The following RNF128 variants were observed in gnomAD, a reference collection of about 807,000 sequenced individuals.
RNF128 encodes E3 ubiquitin-protein ligase RNF128.
A neutral mutation model predicts 26.2 loss-of-function variants in RNF128; 13 were observed. That is an observed-to-expected ratio of 0.50 (90% CI 0.32 to 0.79). The LOEUF is 0.79. RNF128 is among the 30% of genes least tolerant of loss of function. The pLI, the probability that RNF128 is intolerant of heterozygous loss-of-function variation, is 0.03. For synonymous variants in RNF128, 149 were observed against 142.5 expected (o/e 1.05, Z -0.32); for missense variants, 315 against 349.7 (o/e 0.90, Z 0.79).
Position 106,727,287 on chromosome X carries a change from G to T in RNF128, c.374G>T (p.Gly125Val), listed in dbSNP as rs1027258409. ...TTGGCCCTCATCCAACGCGGCGGGG[G>T]CTGCACCTTCGCAGACAAGATCCAT... Reference protein sequence around the residue: ...SWLALIQRGGGCTFADKIHLA... With the variant: ...SWLALIQRGGVCTFADKIHLA... Residue 125 changes from glycine (G) to valine (V), a missense_variant, in exon 1 of 7, where the codon GGC (glycine) becomes GTC (valine). Gly to Val is a moderately radical substitution (Grantham distance 109). Transcript: ENST00000255499. The T allele has an allele frequency of 5.8e-6, 7 of 1,211,823 alleles. No homozygotes were observed. The highest frequency in any genetic ancestry group is 7.8e-6 in the Non-Finnish European group (7 of 895,481).
At chrX:106,773,427 T>G (rs914550109) in intron 2 of RNF128, among the ~76,000 whole-genome samples, 39 of 112,050 alleles carry the variant, frequency 3.5e-4, no homozygotes, top group African/African-American at 1.2e-3. Flanking sequence ...TGTAAATACA[T>G]ATGTTCTTTT....
chrX:106,713,740 A>G (rs1929167778), intron 1 of RNF128, among the ~76,000 whole-genome samples: 1 of 111,815 alleles, frequency 8.9e-6, no homozygotes, highest in South Asian at 3.8e-4. Flanking sequence ...GTATATGAAC[A>G]TGAACATGGG....
chrX:106,739,102 ATTCTC>A (rs1330679056), intron 1 of RNF128, among the ~76,000 whole-genome samples: 3 of 109,709 alleles, frequency 2.7e-5, no homozygotes, highest in East Asian at 5.7e-4. Flanking sequence ...TCTCTCTTCT[ATTCTC>A]TTCTCTTCTC....
chrX:106,704,271 TA>T lies in RNF128; in HGVS notation c.406+9869del, dbSNP rs776712889. On this transcript the variant is annotated intron_variant, in intron 1 of 6. Coordinates refer to the RNF128 transcript ENST00000324342. ...TAATACGGTGAAACCCCGTCTCTAC[TA>T]AAAAATACAAAAAAGCCAGGCGTGG... Among the ~76,000 whole-genome samples, 360 of 108,786 alleles carry T rather than the reference TA, an allele frequency of 3.3e-3. 1 individual carries two copies. Among genetic ancestry groups the T allele is most frequent in the African/African-American group, 0.011 (336 of 29,892 alleles). 94.5% of individuals were successfully genotyped at this position (108,786 alleles called of 115,157 possible). A position where few individuals can be genotyped will look rare whatever the true frequency, so the allele number is the denominator to read the frequency against.
At chrX:106,775,227 G>A (rs1228651623) in intron 2 of RNF128, among the ~76,000 whole-genome samples, 1 of 112,012 alleles carries the variant, frequency 8.9e-6, no homozygotes, top group Non-Finnish European at 1.9e-5. Context: ...AGGCTGGAAG[G>A]AAATTGGTGT....
chrX:106,717,541 G>T (rs1420388179), intron 1 of RNF128, among the ~76,000 whole-genome samples: 1 of 111,738 alleles, frequency 8.9e-6, no homozygotes, highest in Non-Finnish European at 1.9e-5. Context: ...TTAACTTGTC[G>T]CATTCATGTT....
At chrX:106,768,501 G>T (rs777268562) in intron 1 of RNF128, among the ~76,000 whole-genome samples, 10 of 111,809 alleles carry the variant, frequency 8.9e-5, no homozygotes, top group African/African-American at 2.3e-4. Flanking sequence ...GTTTATTTGC[G>T]TAGAGGGGTT....
In RNF128 at chrX:106,727,396, G is replaced by T; in HGVS notation, c.483G>T (p.Pro161=). ...TRNEVIPMSH[P]GAVDIVAIMI... is the part of the protein sequence containing the mutation. The stretch of plus-strand genomic sequence containing the variant: ...ATGAGGTCATCCCCATGTCTCACCC[G>T]GGTGAGTGCAGCTACTAGATTGCAC... The change falls in exon 1 of 7, where the codon CCG becomes CCT. Residue 161 remains proline (P), a splice_region_variant and synonymous_variant. Coordinates refer to ENST00000255499, the MANE Select transcript of RNF128 (RefSeq NM_194463.2). 8.3e-7 allele frequency: 1 copy of T among 1,210,730 alleles called. No individual in the cohort carries two copies.
At chrX:106,694,832 TA>T (rs1928850005) in intron 1 of RNF128, among the ~76,000 whole-genome samples, 1 of 111,879 alleles carries the variant, frequency 8.9e-6, no homozygotes, top group Admixed American at 9.6e-5. Flanking sequence ...TATGCTTAAA[TA>T]ATAGCATATT....
chrX:106,790,756 G>C (rs1469804857), intron 5 of RNF128, among the ~76,000 whole-genome samples: 5 of 110,313 alleles, frequency 4.5e-5, no homozygotes, highest in Admixed American at 9.8e-5. Context: ...AGTTCCATAG[G>C]GGACAGCATG....
chrX:106,774,010 T>A, intron 2 of RNF128, among the ~76,000 whole-genome samples: 1 of 111,615 alleles, frequency 9.0e-6, no homozygotes, highest in East Asian at 2.8e-4. Flanking sequence ...ACTCTATGTC[T>A]TCACCTTGCA....
intron 1 of RNF128, among the ~76,000 whole-genome samples, chrX:106,715,747 G>A (rs1929204782): frequency 9.0e-6 from 1 of 111,673 alleles, no homozygotes; most frequent in Non-Finnish European, 1.9e-5. Context: ...GTATGCTTTG[G>A]ATATATTTAG....
At chrX:106,786,031 A>G (rs180737582) in intron 3 of RNF128, among the ~76,000 whole-genome samples, 1 of 112,081 alleles carries the variant, frequency 8.9e-6, no homozygotes, top group East Asian at 2.8e-4. Context: ...TGCAGTTTCA[A>G]TAAAAATCCT....
intron 6 of RNF128, among the ~76,000 whole-genome samples, chrX:106,794,418 A>AT (rs1225384051): frequency 2.7e-5 from 3 of 110,896 alleles, no homozygotes; most frequent in Non-Finnish European, 5.7e-5. Context: ...TCATACTCTT[A>AT]TTTTTTTGTT....
chrX:106,753,634 A>G (rs932449416), intron 1 of RNF128, among the ~76,000 whole-genome samples: 6 of 111,702 alleles, frequency 5.4e-5, no homozygotes, highest in Non-Finnish European at 1.1e-4. Flanking sequence ...TTTAAATAGA[A>G]TAAACTTTTC....
chrX:106,727,252 A>G lies in RNF128; in HGVS notation c.339A>G (p.Gln113=). 1.7e-6 allele frequency: 2 copies of G among 1,211,676 alleles called. No individual in the cohort carries two copies. Among genetic ancestry groups the G allele is most frequent in the Non-Finnish European group, 2.2e-6 (2 of 895,419 alleles). The change falls in exon 1 of 7, where the codon CAA becomes CAG. Residue 113 remains glutamine (Q), a synonymous_variant. Transcript: ENST00000255499. ...CCACGGTTTGGGGAAGCACCGTGCA[A>G]GTCTCTTGGTTGGCCCTCATCCAAC... ...TVPTVWGSTV[Q]VSWLALIQRG... is the part of the protein sequence containing the mutation.
chrX:106,734,122 A>G (rs1050052584), intron 1 of RNF128, among the ~76,000 whole-genome samples: 2 of 111,845 alleles, frequency 1.8e-5, no homozygotes, highest in Non-Finnish European at 3.8e-5. Context: ...GAAATAGAAG[A>G]TGGTCCTCTT....
exon 1 of RNF128, chrX:106,694,380 C>A (rs933107469): frequency 1.3e-5 from 15 of 1,194,025 alleles, no homozygotes; most frequent in Non-Finnish European, 1.5e-5. Flanking sequence ...CAGAGACTGG[C>A]AATCAGACGA....
At chrX:106,785,191 T>C in intron 3 of RNF128, 55 bp downstream of exon 3, 5 of 914,460 alleles carry the variant, frequency 5.5e-6, no homozygotes, top group Non-Finnish European at 7.6e-6. Context: ...ACCAAGCCAT[T>C]GTTCAGGCTA....
Sources: allele counts gnomAD v4.1 joint callset (sites outside exome capture counted in the v4.1 genomes callset), GRCh38; gene constraint gnomAD v4.1.1; transcripts MANE v1.5; gene names NCBI Gene and HGNC (gene_info 2026-07-23, HGNC 2026-07-21).